The following PTPRE variants were observed in gnomAD, a reference collection of about 807,000 sequenced individuals.
PTPRE encodes the protein receptor-type tyrosine-protein phosphatase epsilon.
PTPRE carries 51 observed loss-of-function variants against 102.0 expected under a neutral mutation model. That is an observed-to-expected ratio of 0.50 (90% CI 0.40 to 0.63). The LOEUF is 0.63. Among genes scored for constraint, PTPRE ranks in the 30% least tolerant of loss-of-function variants. PTPRE has a pLI of 0.00. For synonymous variants in PTPRE, 345 were observed against 348.2 expected (o/e 0.99, Z 0.10); for missense variants, 752 against 915.1 (o/e 0.82, Z 2.30).
At chr10:128,010,591 C>CTTTTCT (rs1231558657) in intron 2 of PTPRE, among the ~76,000 whole-genome samples, 1 of 149,412 alleles carries the variant, frequency 6.7e-6, no homozygotes, top group African/African-American at 2.5e-5. Context: ...CTTTTCTTTT[C>CTTTTCT]TTTCCTTTTG....
intron 2 of PTPRE, among the ~76,000 whole-genome samples, chr10:128,021,488 A>T (rs958400958): frequency 6.6e-5 from 10 of 152,218 alleles, no homozygotes; most frequent in Non-Finnish European, 1.2e-4. Context: ...TGCCTTCAGC[A>T]TCCAGGCCCT....
chr10:128,019,376 C>T (rs537026131), intron 2 of PTPRE, among the ~76,000 whole-genome samples: 2 of 152,372 alleles, frequency 1.3e-5, no homozygotes, highest in African/African-American at 4.8e-5. Context: ...AAGATCTCCA[C>T]GCGATGCTGT....
At chr10:128,011,157 A>C (rs1438847558) in intron 2 of PTPRE, among the ~76,000 whole-genome samples, 3 of 152,202 alleles carry the variant, frequency 2.0e-5, no homozygotes, top group Non-Finnish European at 2.9e-5. Context: ...AGGCAAGAAA[A>C]GTCCATTTGG....
At chr10:127,986,946 G>GT (rs920789137) in intron 2 of PTPRE, among the ~76,000 whole-genome samples, 10 of 152,176 alleles carry the variant, frequency 6.6e-5, no homozygotes, top group Non-Finnish European at 1.3e-4. Context: ...TTATACTGGG[G>GT]TTTTTTATGA....
intron 2 of PTPRE, among the ~76,000 whole-genome samples, chr10:128,026,556 G>A (rs1049221824): frequency 2.0e-5 from 3 of 152,166 alleles, no homozygotes; most frequent in Admixed American, 6.5e-5. Context: ...CCAGACCAGG[G>A]ACACCACCAA....
chr10:127,943,938 G>A (rs926601419), intron 1 of PTPRE, among the ~76,000 whole-genome samples: 12 of 152,182 alleles, frequency 7.9e-5, no homozygotes, highest in East Asian at 7.7e-4. Context: ...ACTCTGGGTG[G>A]AAGGAGGAGG....
intron 1 of PTPRE, among the ~76,000 whole-genome samples, chr10:127,924,072 G>C (rs1846824337): frequency 6.6e-6 from 1 of 152,178 alleles, no homozygotes. Flanking sequence ...GATGTCTCTG[G>C]GAAACTGAGT....
Position 128,070,589 on chromosome 10 carries a change from C to A in PTPRE, c.1293+139C>A. ...AGAAAAAGCAGGGGCAATACCTGAG[C>A]CATGATTTACAAGGGAAGAAGGATC... On this transcript the variant is annotated intron_variant, in intron 14 of 20. Coordinates refer to ENST00000254667, the MANE Select transcript of PTPRE (RefSeq NM_006504.6). The surrounding 1 kb of genome is among the most constrained non-coding windows in gnomAD (Gnocchi z 4.8). 1 of 1,258,222 alleles carries A rather than the reference C, an allele frequency of 7.9e-7. No individual in the cohort carries two copies. Among genetic ancestry groups the A allele is most frequent in the Non-Finnish European group, 1.1e-6 (1 of 925,338 alleles). The allele number at this position is 1,258,222 out of a possible 1,614,324, so 77.9% of individuals were successfully genotyped here.
chr10:127,988,019 A>C (rs1299763418), intron 2 of PTPRE, among the ~76,000 whole-genome samples: 1 of 152,238 alleles, frequency 6.6e-6, no homozygotes, highest in Admixed American at 6.5e-5. Flanking sequence ...ATGAGTGCCA[A>C]CTGCCTAAGG....
At chr10:127,999,660 T>C (rs1853666658) in intron 2 of PTPRE, 1 of 983,402 alleles carries the variant, frequency 1.0e-6, no homozygotes, top group South Asian at 4.7e-5. Flanking sequence ...ACAAATTCAC[T>C]CTGCTGCTGT....
At position 127,963,884 on chromosome 10, in the gene PTPRE, T is replaced by G. The variant is rs1850033823; in HGVS notation, c.-30-18390T>G. Among the ~76,000 whole-genome samples, 3 of 152,218 alleles carry G rather than the reference T, an allele frequency of 2.0e-5. No individual in the cohort carries two copies. The South Asian group carries it at 6.2e-4, about 32-fold the overall frequency. On this transcript the variant is annotated intron_variant, in intron 1 of 20. Coordinates refer to ENST00000254667, the MANE Select transcript of PTPRE (RefSeq NM_006504.6). ...CCGCAGTGGGCCAAGGCAGTGGTCT[T>G]CAGCCCATTTGCAGAGCTACCTTGA...
chr10:127,912,833 G>A (rs1845954020), intron 1 of PTPRE, among the ~76,000 whole-genome samples: 1 of 152,260 alleles, frequency 6.6e-6, no homozygotes, highest in South Asian at 2.1e-4. Context: ...AGAGATGGAT[G>A]GATGAAGGTA....
In PTPRE at chr10:128,053,761, T is replaced by A. The variant is rs781007407; in HGVS notation, c.421-2362T>A. ...TTCTCAATTTCTTTTAATTTATTTA[T>A]TTATTTATTTATTTTTTGAGAGAGA... On this transcript the variant is annotated intron_variant, in intron 6 of 20. Transcript: ENST00000254667. 7.8e-3 allele frequency among the ~76,000 whole-genome samples: 1,193 copies of A among 152,236 alleles called. 11 individuals carry two copies. Among genetic ancestry groups the A allele is most frequent in the African/African-American group, 0.026 (1,083 of 41,524 alleles).
chr10:128,038,645 C>G (rs1015185578), intron 2 of PTPRE, among the ~76,000 whole-genome samples: 18 of 103,884 alleles, frequency 1.7e-4, no homozygotes, highest in Middle Eastern at 0.01. Context: ...CATCACACAC[C>G]GGGGCCTGTC....
intron 2 of PTPRE, among the ~76,000 whole-genome samples, chr10:127,984,078 C>CTT (rs58130253): frequency 1.1e-3 from 139 of 125,358 alleles, no homozygotes; most frequent in African/African-American, 3.3e-3. Flanking sequence ...TTCTTTCTTT[C>CTT]TTTTTTTTTT....
intron 1 of PTPRE, among the ~76,000 whole-genome samples, chr10:127,936,336 G>GT (rs1250161191): frequency 1.3e-5 from 2 of 152,086 alleles, no homozygotes; most frequent in Admixed American, 6.5e-5. Flanking sequence ...TTGGGGGCTG[G>GT]TTTTTTTAAT....
At chr10:128,080,739 T>G (rs140541334) in intron 20 of PTPRE, among the ~76,000 whole-genome samples, 1,636 of 152,340 alleles carry the variant, frequency 0.011, 19 homozygotes, top group Non-Finnish European at 0.016. Flanking sequence ...CTGTCATCTG[T>G]GCTCTCTTGC....
intron 1 of PTPRE, among the ~76,000 whole-genome samples, chr10:127,981,553 C>T (rs922140144): frequency 3.9e-5 from 6 of 152,146 alleles, no homozygotes; most frequent in African/African-American, 1.4e-4. Context: ...CATGGAGGCT[C>T]ATGCCTGTAA....
rs1157916320 is a variant in PTPRE at position 128,028,735 on chromosome 10, G to T, written c.-7-12140G>T. ...AACACGAAGCCAAGGCCAGGAGTCG[G>T]GATCTGCTCCCAGGAAGAAGCCTCC... On this transcript the variant is annotated intron_variant, in intron 2 of 20. Coordinates refer to ENST00000254667, the MANE Select transcript of PTPRE (RefSeq NM_006504.6). This position sits in a 1 kb window ranked among gnomAD's most constrained non-coding sequence, Gnocchi z 4.5. 1.3e-5 allele frequency among the ~76,000 whole-genome samples: 2 copies of T among 152,146 alleles called. No individual in the cohort carries two copies. Among genetic ancestry groups the T allele is most frequent in the Non-Finnish European group, 2.9e-5 (2 of 68,024 alleles).
Sources: allele counts gnomAD v4.1 joint callset (sites outside exome capture counted in the v4.1 genomes callset), GRCh38; gene constraint gnomAD v4.1.1; non-coding constraint Gnocchi (gnomAD v3.1); transcripts MANE v1.5; gene names NCBI Gene and HGNC (gene_info 2026-07-23, HGNC 2026-07-21).